TLL1: variants seen among roughly 807,000 people sequenced by gnomAD.
TLL1 encodes tolloid-like protein 1.
TLL1 carries 49 observed loss-of-function variants against 128.2 expected under a neutral mutation model. The ratio of observed to expected loss-of-function variants is 0.38; its 90% CI spans 0.30 to 0.48. TLL1 has a LOEUF of 0.48. Ranked by LOEUF, TLL1 falls within the 20% of genes least tolerant of loss-of-function variation. The probability of loss-of-function intolerance (pLI) is 0.96; values close to 1 mark genes in which losing one functional copy is unlikely to be tolerated. For synonymous variants in TLL1, 454 were observed against 418.8 expected, an observed-to-expected ratio of 1.08 and a Z score of -1.03; for missense variants, 1,123 against 1,242.0, an observed-to-expected ratio of 0.90 and a Z score of 1.44.
intron 1 of TLL1, among the ~76,000 whole-genome samples, chr4:165,939,574 C>T (rs974246805): frequency 1.3e-5 from 2 of 151,998 alleles, no homozygotes; most frequent in Non-Finnish European, 2.9e-5. Context: ...CCTTCCATTA[C>T]CCTTGGATCC....
intron 1 of TLL1, among the ~76,000 whole-genome samples, chr4:165,935,825 C>A (rs956562637): frequency 3.3e-5 from 5 of 152,130 alleles, no homozygotes; most frequent in Non-Finnish European, 7.4e-5. Flanking sequence ...AGAATTTGTA[C>A]TTGTACCCTT....
rs951477633 is a variant in TLL1 at position 165,940,132 on chromosome 4, A to G, written c.170-49249A>G. 5.9e-5 allele frequency among the ~76,000 whole-genome samples: 9 copies of G among 152,058 alleles called. No homozygotes were observed. In the East Asian group the frequency reaches 9.7e-4, roughly 16 times the overall value. Reference sequence around the variant, plus strand: ...AGCATTGACCTAACTAAAATTCCACATATCTATCTTCTTTCTGGACATTTT... The same window carrying G: ...AGCATTGACCTAACTAAAATTCCACGTATCTATCTTCTTTCTGGACATTTT... On this transcript the variant is annotated intron_variant, in intron 1 of 20. Coordinates refer to ENST00000061240, the MANE Select transcript of TLL1 (RefSeq NM_012464.5).
intron 1 of TLL1, among the ~76,000 whole-genome samples, chr4:165,879,805 C>G (rs1372719625): frequency 6.6e-6 from 1 of 152,038 alleles, no homozygotes; most frequent in Admixed American, 6.5e-5. Context: ...ATCTTGAGCT[C>G]AGACTTAGGC....
chr4:165,995,210 GA>G (rs577955506), intron 5 of TLL1, 32 bp downstream of exon 5: 805 of 1,358,898 alleles, frequency 5.9e-4, no homozygotes, highest in Admixed American at 1.7e-3. Flanking sequence ...CTGACTTAAG[GA>G]AAAAAAAAAT....
chr4:165,911,284 A>T (rs1396135920), intron 1 of TLL1, among the ~76,000 whole-genome samples: 1 of 152,160 alleles, frequency 6.6e-6, no homozygotes, highest in African/African-American at 2.4e-5. Flanking sequence ...GAGTGAGTAC[A>T]TGCAATATTT....
At chr4:165,969,208 C>G (rs1268664888) in intron 1 of TLL1, among the ~76,000 whole-genome samples, 2 of 152,040 alleles carry the variant, frequency 1.3e-5, no homozygotes, top group African/African-American at 2.4e-5. Context: ...GTATTCTATT[C>G]CAGAAAGCCT....
chr4:166,071,846 C>T (rs1740814536), intron 16 of TLL1, among the ~76,000 whole-genome samples: 1 of 151,908 alleles, frequency 6.6e-6, no homozygotes, highest in South Asian at 2.1e-4. Flanking sequence ...AAATTGTATT[C>T]ACTTTAATTA....
chr4:166,078,136 G>A, intron 18 of TLL1, 106 bp downstream of exon 18: 1 of 1,542,196 alleles, frequency 6.5e-7, no homozygotes, highest in Non-Finnish European at 8.8e-7. Flanking sequence ...TCGAATCGTA[G>A]GCAGCTGGAA....
intron 1 of TLL1, among the ~76,000 whole-genome samples, chr4:165,972,616 T>G (rs1231306755): frequency 6.6e-6 from 1 of 152,200 alleles, no homozygotes; most frequent in Non-Finnish European, 1.5e-5. Context: ...TTTTACTCCT[T>G]GGACACCATG....
At chr4:166,091,926 G>C (rs2111158947) in intron 19 of TLL1, among the ~76,000 whole-genome samples, 1 of 152,016 alleles carries the variant, frequency 6.6e-6, no homozygotes, top group South Asian at 2.1e-4. Flanking sequence ...ATTTAATTTA[G>C]AAAAATATGA....
At chr4:165,939,351 T>G (rs1733898041) in intron 1 of TLL1, among the ~76,000 whole-genome samples, 1 of 152,146 alleles carries the variant, frequency 6.6e-6, no homozygotes, top group African/African-American at 2.4e-5. Context: ...CACTTAACCC[T>G]CTTGTTGTGA....
rs115682781 is a variant in TLL1 at position 165,902,056 on chromosome 4, C to T, written c.169+27983C>T. Among the ~76,000 whole-genome samples the T allele has an allele frequency of 4.1e-3, 627 of 152,186 alleles. 3 individuals are homozygous for T. Among genetic ancestry groups the T allele is most frequent in the African/African-American group, 0.014 (598 of 41,526 alleles). On this transcript the variant is annotated intron_variant, in intron 1 of 20. Transcript: ENST00000061240. ...TTTGTTTACACTGTGAGGGGAAAAC[C>T]GACTACTTAAGCTCAGTAATGGTGG... is the stretch of plus-strand genomic sequence containing the variant.
At chr4:166,052,407 G>T (rs775253968) in intron 12 of TLL1, among the ~76,000 whole-genome samples, 5 of 152,056 alleles carry the variant, frequency 3.3e-5, no homozygotes, top group Admixed American at 2.0e-4. Flanking sequence ...GCAATTCTCT[G>T]CCTCAGACTC....
chr4:166,045,473 C>G (rs1739422103), intron 12 of TLL1, among the ~76,000 whole-genome samples: 1 of 152,090 alleles, frequency 6.6e-6, no homozygotes, highest in Admixed American at 6.5e-5. Flanking sequence ...TACACGATGA[C>G]TTTACACCAC....
chr4:165,909,667 G>T (rs1200706911), intron 1 of TLL1, among the ~76,000 whole-genome samples: 1 of 152,196 alleles, frequency 6.6e-6, no homozygotes, highest in African/African-American at 2.4e-5. Flanking sequence ...AGTGAGTTTT[G>T]TCTGTAGACC....
At chr4:166,061,003 T>C (rs1430563266) in intron 15 of TLL1, among the ~76,000 whole-genome samples, 4 of 152,214 alleles carry the variant, frequency 2.6e-5, no homozygotes, top group Non-Finnish European at 5.9e-5. Flanking sequence ...GTTTATTAAA[T>C]GAACATGATT....
rs577704141 is a variant in TLL1 at position 166,015,492 on chromosome 4, T to C, written c.1042+932T>C. Among the ~76,000 whole-genome samples the C allele has an allele frequency of 1.6e-4, 25 of 152,200 alleles. 1 individual carries two copies. The East Asian group carries it at 4.6e-3, about 28-fold the overall frequency. ...ATAGATAATTGGTTATGTTTATTTATATATTGTTATTGGGAAATTCTTATA... is the reference window on the plus strand; with the variant it reads ...ATAGATAATTGGTTATGTTTATTTACATATTGTTATTGGGAAATTCTTATA... On this transcript the variant is annotated intron_variant, in intron 8 of 20. Coordinates refer to ENST00000061240, the MANE Select transcript of TLL1 (RefSeq NM_012464.5).
At chr4:165,992,653 C>A (rs1736699805) in intron 2 of TLL1, 151 bp from the exon 3 acceptor site, 1 of 705,172 alleles carries the variant, frequency 1.4e-6, no homozygotes, top group Non-Finnish European at 2.4e-6. Context: ...AGTTTTTACC[C>A]CCTTCAAAGA....
chr4:165,981,705 A>G (rs1736154678), intron 1 of TLL1, among the ~76,000 whole-genome samples: 1 of 152,068 alleles, frequency 6.6e-6, no homozygotes, highest in South Asian at 2.1e-4. Context: ...CGGATTACTT[A>G]ACATTGAAAT....
Sources: gnomAD v4.1 joint callset for allele counts (sites outside exome capture counted in the v4.1 genomes callset) on GRCh38, gnomAD v4.1.1 for gene constraint, MANE v1.5 for transcripts, NCBI Gene and HGNC (gene_info 2026-07-23, HGNC 2026-07-21) for gene names.